RECK: variants seen among roughly 807,000 people sequenced by gnomAD.
RECK encodes reversion inducing cysteine rich protein with kazal motifs, also known as reversion-inducing cysteine-rich protein with Kazal motifs.
RECK carries 69 observed loss-of-function variants against 115.1 expected under a neutral mutation model. The observed-to-expected ratio is 0.60, with a 90% CI of 0.49 to 0.73. The LOEUF (loss-of-function observed/expected upper bound fraction) is 0.73, where lower values mean the gene tolerates loss of function less well. RECK is among the 30% of genes least tolerant of loss of function. RECK has a pLI of 0.00. For missense variants in RECK, 1,047 were observed against 1,203.7 expected, an observed-to-expected ratio of 0.87 and a Z score of 1.93; for synonymous variants, 414 against 419.7, an observed-to-expected ratio of 0.99 and a Z score of 0.17.
At chr9:36,095,338 T>G (rs1226215181) in intron 10 of RECK, among the ~76,000 whole-genome samples, 1 of 152,216 alleles carries the variant, frequency 6.6e-6, no homozygotes, top group African/African-American at 2.4e-5. Flanking sequence ...GAAATTGAAT[T>G]TGTAATTATA....
intron 1 of RECK, among the ~76,000 whole-genome samples, chr9:36,041,826 C>T (rs1350785151): frequency 6.7e-6 from 1 of 149,212 alleles, no homozygotes; most frequent in Non-Finnish European, 1.5e-5. Context: ...TGTCAGCTTC[C>T]CAGCCTCAGC....
At chr9:36,081,203 A>G (rs913676488) in intron 7 of RECK, among the ~76,000 whole-genome samples, 4 of 152,184 alleles carry the variant, frequency 2.6e-5, no homozygotes, top group Admixed American at 6.5e-5. Flanking sequence ...GGTGAAGGGA[A>G]CAGTGAGAGC....
chr9:36,040,632 T>C (rs1386924473), intron 1 of RECK, among the ~76,000 whole-genome samples: 1 of 152,014 alleles, frequency 6.6e-6, no homozygotes, highest in Non-Finnish European at 1.5e-5. Context: ...AAAAAAATTA[T>C]TGTAGTGGGG....
At chr9:36,112,860 A>G (rs1824116055) in intron 16 of RECK, among the ~76,000 whole-genome samples, 1 of 152,234 alleles carries the variant, frequency 6.6e-6, no homozygotes, top group African/African-American at 2.4e-5. Flanking sequence ...TCTCCATAAC[A>G]TGGTGTCTGT....
At chr9:36,052,353 C>G in intron 2 of RECK, 30 bp downstream of exon 2, 3 of 1,526,688 alleles carry the variant, frequency 2.0e-6, no homozygotes, top group Non-Finnish European at 2.7e-6. Flanking sequence ...ACAGAGGCAG[C>G]CAGACACAGT....
chr9:36,062,195 CT>C (rs1239544404), intron 4 of RECK, among the ~76,000 whole-genome samples: 2 of 137,492 alleles, frequency 1.5e-5, no homozygotes, highest in Non-Finnish European at 3.1e-5. Flanking sequence ...GAGTTTCACT[CT>C]TCTTGCCCAG....
intron 9 of RECK, among the ~76,000 whole-genome samples, chr9:36,089,380 T>G (rs1038665381): frequency 4.6e-5 from 7 of 152,214 alleles, no homozygotes; most frequent in Non-Finnish European, 2.9e-5. Flanking sequence ...TCATCAGATT[T>G]CATCTTCATA....
intron 15 of RECK, among the ~76,000 whole-genome samples, 183 bp from the exon 16 acceptor site, chr9:36,112,122 C>CAAAA (rs58460262): frequency 2.0e-4 from 14 of 71,622 alleles, no homozygotes; most frequent in African/African-American, 2.3e-4. Context: ...GACTCCATCT[C>CAAAA]AAAAAAAAAA....
intron 9 of RECK, among the ~76,000 whole-genome samples, chr9:36,090,577 T>C (rs1823121359): frequency 6.6e-6 from 1 of 152,218 alleles, no homozygotes; most frequent in Admixed American, 6.5e-5. Flanking sequence ...TATATACACA[T>C]ACTTAAGTTG....
intron 6 of RECK, among the ~76,000 whole-genome samples, chr9:36,078,685 A>G (rs1398352672): frequency 2.0e-5 from 3 of 152,176 alleles, no homozygotes; most frequent in Admixed American, 6.5e-5. Flanking sequence ...CTAGAAAATC[A>G]GGCCATGCAA....
rs61673918 is a variant in RECK at position 36,043,010 on chromosome 9, C to CTTTTTTTTT, written c.100+5934_100+5942dup. Reference sequence around the variant, plus strand: ...ACTGTCTATTCATGTCCTTAGCCCACTTTTTTTTTTTTTTTTTTTTTTTTT... The same window carrying CTTTTTTTTT: ...ACTGTCTATTCATGTCCTTAGCCCACTTTTTTTTTTTTTTTTTTTTTTTTTTTTTTTTTT... On this transcript the variant is annotated intron_variant, in intron 1 of 20. Coordinates refer to ENST00000377966, the MANE Select transcript of RECK (RefSeq NM_021111.3). Among the ~76,000 whole-genome samples the CTTTTTTTTT allele has an allele frequency of 7.1e-4, 42 of 59,456 alleles. 10 individuals are homozygous for CTTTTTTTTT. The highest frequency in any genetic ancestry group is 2.0e-3 in the East Asian group (3 of 1,482). The allele number at this position is 59,456 out of a possible 152,430, so 39.0% of individuals were successfully genotyped here. A position where few individuals can be genotyped will look rare whatever the true frequency, so the allele number is the denominator to read the frequency against.
At position 36,102,080 on chromosome 9, in the gene RECK, A is replaced by AT. The variant is rs760974970; in HGVS notation, c.1299-5dup. ...TTCCTCAAGCTCTAAACTTACGTGC[A>AT]TTTTTTTTTCAAGATCAGATTGTGT... On this transcript the variant is annotated splice_polypyrimidine_tract_variant and intron_variant, in intron 11 of 20. Transcript: ENST00000377966. The AT allele has an allele frequency of 3.3e-4, 515 of 1,572,108 alleles. No individual in the cohort carries two copies. The highest frequency in any genetic ancestry group is 6.6e-4 in the Admixed American group (38 of 57,216).
At chr9:36,098,078 T>C (rs1483451697) in intron 10 of RECK, among the ~76,000 whole-genome samples, 1 of 151,920 alleles carries the variant, frequency 6.6e-6, no homozygotes, top group Non-Finnish European at 1.5e-5. Flanking sequence ...GGGGAGAGGA[T>C]TGGGAAAATG....
At chr9:36,097,945 A>C (rs1823415630) in intron 10 of RECK, among the ~76,000 whole-genome samples, 1 of 152,214 alleles carries the variant, frequency 6.6e-6, no homozygotes, top group Non-Finnish European at 1.5e-5. Context: ...AATACTGCAC[A>C]ATCTCACTTA....
chr9:36,091,761 C>T (rs549598019), intron 10 of RECK, among the ~76,000 whole-genome samples: 2 of 152,278 alleles, frequency 1.3e-5, no homozygotes, highest in East Asian at 1.9e-4. Context: ...TATTTCTTTA[C>T]AAAAGCAATT....
intron 2 of RECK, among the ~76,000 whole-genome samples, chr9:36,053,369 A>G (rs1821385370): frequency 6.6e-6 from 1 of 152,174 alleles, no homozygotes; most frequent in Non-Finnish European, 1.5e-5. Context: ...GGATCTTGTT[A>G]TTTTTAAAAC....
At chr9:36,080,772 C>T in intron 7 of RECK, 134 bp downstream of exon 7, 1 of 730,104 alleles carries the variant, frequency 1.4e-6, no homozygotes, top group Admixed American at 2.7e-5. Context: ...TAACAATTCC[C>T]ATGTCTTAAC....
At chr9:36,083,314 G>A (rs1220356102) in intron 7 of RECK, 51 bp from the exon 8 acceptor site, 11 of 1,548,850 alleles carry the variant, frequency 7.1e-6, no homozygotes, top group Non-Finnish European at 9.7e-6. Flanking sequence ...ATGATTTAAT[G>A]TTAACAAAAA....
At chr9:36,107,414 C>G (rs984793446) in intron 13 of RECK, among the ~76,000 whole-genome samples, 1 of 151,794 alleles carries the variant, frequency 6.6e-6, no homozygotes, top group Non-Finnish European at 1.5e-5. Flanking sequence ...ATGGTGTAAC[C>G]CCATCTCTAC....
Sources: allele counts gnomAD v4.1 joint callset (sites outside exome capture counted in the v4.1 genomes callset), GRCh38; gene constraint gnomAD v4.1.1; transcripts MANE v1.5; gene names NCBI Gene and HGNC (gene_info 2026-07-23, HGNC 2026-07-21).